PTPRN2: variants seen among roughly 807,000 people sequenced by gnomAD.
The protein encoded by PTPRN2 is receptor-type tyrosine-protein phosphatase N2.
PTPRN2 carries 74 observed loss-of-function variants against 118.8 expected under a neutral mutation model. That is an observed-to-expected ratio of 0.62 (90% CI 0.52 to 0.76). The LOEUF (loss-of-function observed/expected upper bound fraction) is 0.76, where lower values mean the gene tolerates loss of function less well. Among genes scored for constraint, PTPRN2 ranks in the 30% least tolerant of loss-of-function variants. The probability of loss-of-function intolerance (pLI) is 0.00; values close to 1 mark genes in which losing one functional copy is unlikely to be tolerated. For synonymous variants in PTPRN2, 641 were observed against 608.0 expected, an observed-to-expected ratio of 1.05 and a Z score of -0.80; for missense variants, 1,481 against 1,394.4, an observed-to-expected ratio of 1.06 and a Z score of -0.99.
At position 157,734,177 on chromosome 7, in the gene PTPRN2, A is replaced by G. The variant is rs370507088; in HGVS notation, c.1789-51240T>C. Among the ~76,000 whole-genome samples the G allele has an allele frequency of 3.0e-3, 145 of 48,950 alleles. 7 individuals carry two copies. Among genetic ancestry groups the G allele is most frequent in the African/African-American group, 7.6e-3 (63 of 8,266 alleles). 32.1% of individuals were successfully genotyped at this position (48,950 alleles called of 152,430 possible). ...ACAGTTACTCTTTTCCACCCCATGC[A>G]CCCAGCACAGTTACTCTTTTCCGTC... On this transcript the variant is annotated intron_variant, in intron 12 of 22. Transcript: ENST00000389418.
chr7:157,578,241 C>T (rs1226195040), intron 17 of PTPRN2, 101 bp from the exon 18 acceptor site: 41 of 1,341,760 alleles, frequency 3.1e-5, no homozygotes, highest in Middle Eastern at 1.9e-4. Context: ...TTATTCCATT[C>T]ACAGGACATT....
At chr7:157,672,121 C>G (rs1416104661) in intron 13 of PTPRN2, among the ~76,000 whole-genome samples, 2 of 152,042 alleles carry the variant, frequency 1.3e-5, no homozygotes, top group Admixed American at 6.6e-5. Context: ...AGCTCTGCCG[C>G]CTCACTTGGG....
intron 11 of PTPRN2, among the ~76,000 whole-genome samples, chr7:158,076,181 C>T (rs1187133609): frequency 6.6e-6 from 1 of 152,252 alleles, no homozygotes; most frequent in African/African-American, 2.4e-5. Flanking sequence ...AAGAGTGCAA[C>T]TTCCCTTCCA....
chr7:158,182,795 CT>C (rs1824823972), intron 5 of PTPRN2, among the ~76,000 whole-genome samples: 1 of 152,126 alleles, frequency 6.6e-6, no homozygotes, highest in Admixed American at 6.5e-5. Flanking sequence ...ATGTAAATAT[CT>C]GTTAGATCCA....
chr7:157,765,928 CTCCATCCATCCACCCTTCACCCA>C (rs1802445451), intron 12 of PTPRN2, among the ~76,000 whole-genome samples: 1 of 145,606 alleles, frequency 6.9e-6, no homozygotes, highest in African/African-American at 2.6e-5. Flanking sequence ...TCCATTCTTC[CTCCATCCATCCACCCTTCACCCA>C]TCCATCCATC....
intron 14 of PTPRN2, among the ~76,000 whole-genome samples, chr7:157,626,757 C>T (rs1335695249): frequency 6.6e-6 from 1 of 152,224 alleles, no homozygotes; most frequent in East Asian, 1.9e-4. Flanking sequence ...GAAATCTCTA[C>T]AAGTGATTTA....
intron 12 of PTPRN2, among the ~76,000 whole-genome samples, chr7:157,795,899 T>G (rs1804839887): frequency 6.6e-6 from 1 of 152,166 alleles, no homozygotes; most frequent in Non-Finnish European, 1.5e-5. Flanking sequence ...AACAAACACA[T>G]GTGATGCTGA....
In PTPRN2 at chr7:157,768,414, A is replaced by AC. The variant is rs1802609992; in HGVS notation, c.1789-85478dup. ...GGCTTTGCTTTGGGGCCAAGAAGCGACCCCCCTACAGTGACAGAGTGTGGC... is the reference window on the plus strand; with the variant it reads ...GGCTTTGCTTTGGGGCCAAGAAGCGACCCCCCCTACAGTGACAGAGTGTGGC... On this transcript the variant is annotated intron_variant, in intron 12 of 22. Transcript: ENST00000389418. Among the ~76,000 whole-genome samples the AC allele has an allele frequency of 2.0e-5, 3 of 151,158 alleles. No homozygotes were observed. The South Asian group carries it at 6.3e-4, about 32-fold the overall frequency.
chr7:158,341,316 C>T (rs1257493430), intron 2 of PTPRN2, among the ~76,000 whole-genome samples: 1 of 151,586 alleles, frequency 6.6e-6, no homozygotes, highest in Non-Finnish European at 1.5e-5. Flanking sequence ...TCACTCACAC[C>T]CACACACGTC....
At chr7:158,149,166 C>A (rs990133361) in intron 6 of PTPRN2, among the ~76,000 whole-genome samples, 42 of 151,838 alleles carry the variant, frequency 2.8e-4, no homozygotes, top group African/African-American at 9.7e-4. Context: ...CAGTGACACC[C>A]CATCTCACGC....
chr7:158,519,365 T>C (rs1303873947), intron 1 of PTPRN2, among the ~76,000 whole-genome samples: 4 of 152,174 alleles, frequency 2.6e-5, no homozygotes, highest in Non-Finnish European at 5.9e-5. Context: ...TACTTTTTCA[T>C]ACCGAGAACA....
chr7:158,047,993 C>G (rs1809008354), intron 11 of PTPRN2, among the ~76,000 whole-genome samples: 1 of 152,090 alleles, frequency 6.6e-6, no homozygotes, highest in African/African-American at 2.4e-5. Context: ...GCAGGAAGAG[C>G]TAGAATGGGG....
At chr7:157,748,295 T>C (rs4998852) in intron 12 of PTPRN2, among the ~76,000 whole-genome samples, 8,817 of 121,346 alleles carry the variant, frequency 0.073, 597 homozygotes, top group Admixed American at 0.19. Context: ...GTGGGGTGTC[T>C]GGGGGATTCT....
At chr7:157,652,643 C>T (rs979174779) in intron 14 of PTPRN2, among the ~76,000 whole-genome samples, 2 of 152,212 alleles carry the variant, frequency 1.3e-5, no homozygotes, top group Admixed American at 1.3e-4. Flanking sequence ...GTTCCACCTG[C>T]TGGGACACCT....
rs117681566 is a variant in PTPRN2, at chr7:158,510,813, C to T, written c.113-21028G>A. On this transcript the variant is annotated intron_variant, in intron 1 of 22. Coordinates refer to ENST00000389418, the MANE Select transcript of PTPRN2 (RefSeq NM_002847.5). ...TCGGATGTGAATGTAAAGAATAAGC[C>T]GACAGGACACTGAGGGCGTTTTGCA... 1.2e-3 allele frequency among the ~76,000 whole-genome samples: 188 copies of T among 152,296 alleles called. 4 individuals are homozygous for T. In the East Asian group the frequency reaches 0.033, roughly 26 times the overall value.
chr7:157,646,378 T>C (rs953607764), intron 14 of PTPRN2, among the ~76,000 whole-genome samples: 5 of 152,098 alleles, frequency 3.3e-5, no homozygotes, highest in Non-Finnish European at 7.4e-5. Context: ...GCACCTGCCA[T>C]GTGACGTCTT....
chr7:157,920,131 C>G (rs192873364), intron 11 of PTPRN2, among the ~76,000 whole-genome samples: 1 of 152,116 alleles, frequency 6.6e-6, no homozygotes, highest in Non-Finnish European at 1.5e-5. Flanking sequence ...TGAAGGCAGC[C>G]TCGTCATTAA....
At chr7:158,429,748 A>G (rs1304061716) in intron 2 of PTPRN2, among the ~76,000 whole-genome samples, 2 of 152,256 alleles carry the variant, frequency 1.3e-5, no homozygotes, top group African/African-American at 4.8e-5. Flanking sequence ...ATTAAATGCA[A>G]TCTTAATACA....
chr7:158,477,300 T>C (rs1455076674), intron 2 of PTPRN2, among the ~76,000 whole-genome samples: 1 of 152,214 alleles, frequency 6.6e-6, no homozygotes, highest in African/African-American at 2.4e-5. Context: ...ATTTTCTTCA[T>C]TAAGCACATA....
Sources: gnomAD v4.1 joint callset for allele counts (sites outside exome capture counted in the v4.1 genomes callset) on GRCh38, gnomAD v4.1.1 for gene constraint, MANE v1.5 for transcripts, NCBI Gene and HGNC (gene_info 2026-07-23, HGNC 2026-07-21) for gene names.